EIF4G1: variants seen among roughly 807,000 people sequenced by gnomAD.
The protein encoded by EIF4G1 is eukaryotic translation initiation factor 4 gamma 1.
EIF4G1 carries 4 observed loss-of-function variants against 187.8 expected under a neutral mutation model. That is an observed-to-expected ratio of 0.02 (90% CI 0.01 to 0.05). The LOEUF (loss-of-function observed/expected upper bound fraction) is 0.05. Ranked by LOEUF, EIF4G1 falls within the 10% of genes least tolerant of loss-of-function variation. The pLI is 1.00. For synonymous variants in EIF4G1, 844 were observed against 781.4 expected, an observed-to-expected ratio of 1.08 and a Z score of -1.34; for missense variants, 1,647 against 2,081.1, an observed-to-expected ratio of 0.79 and a Z score of 4.06.
Position 184,323,767 on chromosome 3 carries a change from C to A in EIF4G1, c.2275-13C>A. ...GAGACCCTCACTGGAACTCTTGTCT[C>A]TTCTCCCTCCAGGACCTATTCCGCA... On this transcript the variant is annotated splice_polypyrimidine_tract_variant and intron_variant, in intron 15 of 32. Coordinates refer to ENST00000346169, the MANE Select transcript of EIF4G1 (RefSeq NM_198241.3). This position sits in a 1 kb window ranked among gnomAD's most constrained non-coding sequence, Gnocchi z 6.9. 6.2e-7 allele frequency: 1 copy of A among 1,613,388 alleles called. No homozygotes were observed.
At chr3:184,328,331 C>G (rs1169285910) in intron 26 of EIF4G1, 4 of 485,606 alleles carry the variant, frequency 8.2e-6, no homozygotes, top group South Asian at 8.2e-5. Context: ...GTGGAGGTTG[C>G]AGTGAGCCGA....
At position 184,320,649 on chromosome 3, in the gene EIF4G1, A is replaced by G; in HGVS notation, c.557A>G (p.Asn186Ser). The G allele has an allele frequency of 1.2e-6, 2 of 1,614,020 alleles. No individual in the cohort carries two copies. Among genetic ancestry groups the G allele is most frequent in the Non-Finnish European group, 1.7e-6 (2 of 1,179,978 alleles). The stretch of plus-strand genomic sequence containing the variant: ...CCCCAGATCCGAATTCGAGATCCAA[A>G]CCAAGGAGGAAAGGATATCACAGAG... ...ERKTIRIRDPNQGGKDITEEI... is the reference protein window; with the variant it reads ...ERKTIRIRDPSQGGKDITEEI... Residue 186 changes from asparagine to serine, a missense_variant, in exon 8 of 33, where the codon AAC (asparagine) becomes AGC (serine). Asn to Ser is a conservative substitution (Grantham distance 46). Transcript: ENST00000346169.
rs1725043072 is a variant in EIF4G1, at chr3:184,326,951, A to G, written c.3396A>G (p.Thr1132=). 6.2e-7 allele frequency: 1 copy of G among 1,614,254 alleles called. No homozygotes were observed. The highest frequency in any genetic ancestry group is 8.5e-7 in the Non-Finnish European group (1 of 1,180,046). ...CAGCCCTTCAACAAGCGGTACCCAC[A>G]GAAAGCACAGATAATAGACGTGTGG... ...RFSALQQAVP[T]ESTDNRRVVQ... The change falls in exon 23 of 33, where the codon ACA becomes ACG. Residue 1132 remains threonine, a synonymous_variant. Coordinates refer to ENST00000346169, the MANE Select transcript of EIF4G1 (RefSeq NM_198241.3).
At chr3:184,322,340 T>G in intron 10 of EIF4G1, 22 bp from the exon 11 acceptor site, 1 of 1,605,326 alleles carries the variant, frequency 6.2e-7, no homozygotes, top group Non-Finnish European at 8.5e-7. Flanking sequence ...ATCCATGCTT[T>G]TATTTATTTA....
At chr3:184,326,461 T>G in intron 21 of EIF4G1, 66 bp from the exon 22 acceptor site, 1 of 1,551,894 alleles carries the variant, frequency 6.4e-7, no homozygotes, top group Non-Finnish European at 8.9e-7. Context: ...TGGTTGCATA[T>G]GGTGGTGCTG....
chr3:184,317,595 ACTTC>A (rs1292273521), intron 5 of EIF4G1, 98 bp downstream of exon 5: 3 of 1,553,398 alleles, frequency 1.9e-6, no homozygotes, highest in Non-Finnish European at 2.7e-6. Flanking sequence ...CAGAGGTGGG[ACTTC>A]CTTCTGGTCA....
In EIF4G1 at chr3:184,323,313, G is replaced by C; in HGVS notation, c.2088+72G>C. On this transcript the variant is annotated intron_variant, in intron 14 of 32. Transcript: ENST00000346169. This position sits in a 1 kb window ranked among gnomAD's most constrained non-coding sequence, Gnocchi z 6.9. The stretch of plus-strand genomic sequence containing the variant: ...GATGATTCCGTGTCTCAGTGCCCGC[G>C]GGGAGGGGTTTGCCCTGGAGGCGTG... 1 of 1,611,592 alleles carries C rather than the reference G, an allele frequency of 6.2e-7. No homozygotes were observed.
chr3:184,324,759 C>A, intron 17 of EIF4G1, 119 bp from the exon 18 acceptor site: 1 of 1,149,276 alleles, frequency 8.7e-7, no homozygotes, highest in Non-Finnish European at 1.3e-6. Context: ...GCCACTATGC[C>A]CAGCCAGCCG....
At position 184,326,912 on chromosome 3, in the gene EIF4G1, T is replaced by G. The variant is rs768107436; in HGVS notation, c.3357T>G (p.Thr1119=). ...AAGCTGCTCGCCCAGCTACTAGTAC[T>G]TTGAATCGCTTCTCAGCCCTTCAAC... is the stretch of plus-strand genomic sequence containing the variant. ...ASEAARPATS[T]LNRFSALQQA... The change falls in exon 23 of 33, where the codon ACT becomes ACG. Residue 1119 remains threonine, a synonymous_variant. Coordinates refer to ENST00000346169, the MANE Select transcript of EIF4G1 (RefSeq NM_198241.3). 1 of 1,614,240 alleles carries G rather than the reference T, an allele frequency of 6.2e-7. No individual in the cohort carries two copies. Among genetic ancestry groups the G allele is most frequent in the Non-Finnish European group, 8.5e-7 (1 of 1,180,048 alleles).
chr3:184,331,628 A>T, intron 30 of EIF4G1, 22 bp downstream of exon 30: 1 of 1,424,566 alleles, frequency 7.0e-7, no homozygotes, highest in Non-Finnish European at 9.9e-7. Flanking sequence ...CTGGATATCG[A>T]TAAAGGAAAG....
At chr3:184,317,627 G>T in intron 5 of EIF4G1, 90 bp from the exon 6 acceptor site, 1 of 1,532,816 alleles carries the variant, frequency 6.5e-7, no homozygotes, top group Non-Finnish European at 9.0e-7. Context: ...GAGTTGGCTT[G>T]TCTTGTCTTG....
Position 184,324,879 on chromosome 3 carries a change from C to T in EIF4G1, c.2621C>T (p.Ala874Val), listed in dbSNP as rs779876951. 1 of 1,613,402 alleles carries T rather than the reference C, an allele frequency of 6.2e-7. No individual in the cohort carries two copies. Among genetic ancestry groups the T allele is most frequent in the East Asian group, 2.2e-5 (1 of 44,886 alleles). The part of the protein sequence containing the change: ...KQKEMDEAAT[A>V]EERGRLKEEL... Reference sequence around the variant, plus strand: ...CAATCCCTGTCCTGTGAATGGCAGGCAGAGGAACGAGGACGCCTGAAGGAA... The same window carrying T: ...CAATCCCTGTCCTGTGAATGGCAGGTAGAGGAACGAGGACGCCTGAAGGAA... The change falls in exon 18 of 33, where the codon GCA (alanine) becomes GTA (valine). Residue 874 changes from alanine (A) to valine (V), a missense_variant and splice_region_variant. By Grantham distance (64) the Ala-to-Val change is moderately conservative (BLOSUM62 0). Transcript: ENST00000346169.
rs530167757 is a variant in EIF4G1 at position 184,321,955 on chromosome 3, GGAA to G, written c.1386_1388del (p.Glu465del). On this transcript the variant is annotated inframe_deletion, in exon 10 of 33. Transcript: ENST00000346169. ...CTTCCCCAGCTCAGGAGGAGGAAATGGAAGAAGAAGAAGAAGAGGAAGAAGGAG... is the reference window on the plus strand; with the variant it reads ...CTTCCCCAGCTCAGGAGGAGGAAATGGAAGAAGAAGAAGAGGAAGAAGGAG... 2.4e-4 allele frequency: 385 copies of G among 1,609,860 alleles called. 1 individual carries two copies. The highest frequency in any genetic ancestry group is 1.9e-3 in the East Asian group (87 of 44,838).
intron 8 of EIF4G1, 65 bp from the exon 9 acceptor site, chr3:184,320,862 G>C (rs1217632491): frequency 5.0e-6 from 8 of 1,608,782 alleles, no homozygotes; most frequent in Non-Finnish European, 6.8e-6. Context: ...AAGTAGAAAT[G>C]GCTCTAGTAA....
At chr3:184,329,879 AGT>A (rs772317478) in intron 28 of EIF4G1, among the ~76,000 whole-genome samples, 1 of 152,164 alleles carries the variant, frequency 6.6e-6, no homozygotes, top group African/African-American at 2.4e-5. Context: ...AGTTGGGGTG[AGT>A]GTGTGCAGTT....
chr3:184,326,153 CA>C (rs1724858382), intron 21 of EIF4G1, among the ~76,000 whole-genome samples: 1 of 152,114 alleles, frequency 6.6e-6, no homozygotes, highest in Non-Finnish European at 1.5e-5. Context: ...CACACACACA[CA>C]CACACACACA....
At chr3:184,320,583 G>T (rs540335148) in intron 7 of EIF4G1, 47 bp from the exon 8 acceptor site, 2 of 1,613,760 alleles carry the variant, frequency 1.2e-6, no homozygotes, top group Non-Finnish European at 1.7e-6. Flanking sequence ...GGGTGGAGAG[G>T]TGGGCTCTTC....
chr3:184,316,675 G>A, intron 4 of EIF4G1: 1 of 1,586,872 alleles, frequency 6.3e-7, no homozygotes, highest in Non-Finnish European at 8.5e-7. Flanking sequence ...ATCACCTTGG[G>A]GGTAATTCTC....
At position 184,323,929 on chromosome 3, in the gene EIF4G1, G is replaced by A. The variant is rs1188035844; in HGVS notation, c.2424G>A (p.Glu808=). Residue 808 remains glutamate, a synonymous_variant, in exon 16 of 33, where the codon GAG becomes GAA. Coordinates refer to ENST00000346169, the MANE Select transcript of EIF4G1 (RefSeq NM_198241.3). This position sits in a 1 kb window ranked among gnomAD's most constrained non-coding sequence, Gnocchi z 6.9. ...TCATTTTTGAGAAGGCCATTTCAGA[G>A]CCCAACTTCTCTGTGGCCTATGCCA... ...IDLIFEKAIS[E]PNFSVAYANM... 6.2e-7 allele frequency: 1 copy of A among 1,614,164 alleles called. No individual in the cohort carries two copies.
Sources: gnomAD v4.1 joint callset for allele counts (sites outside exome capture counted in the v4.1 genomes callset) on GRCh38, gnomAD v4.1.1 for gene constraint, Gnocchi (gnomAD v3.1) non-coding constraint, MANE v1.5 for transcripts, NCBI Gene and HGNC (gene_info 2026-07-23, HGNC 2026-07-21) for gene names.